CTNNA2: variants seen among roughly 807,000 people sequenced by gnomAD.
The protein encoded by CTNNA2 is catenin alpha-2.
Under a neutral mutation model 101.0 loss-of-function variants are expected in CTNNA2, and 42 were observed. The observed-to-expected ratio is 0.42, with a 90% CI of 0.32 to 0.54. CTNNA2 has a LOEUF of 0.54. Among genes scored for constraint, CTNNA2 ranks in the 20% least tolerant of loss-of-function variants. CTNNA2 has a pLI of 0.14. For synonymous variants in CTNNA2, 450 were observed against 456.4 expected (o/e 0.99, Z 0.18); for missense variants, 871 against 1,223.1 (o/e 0.71, Z 4.29).
Position 79,747,018 on chromosome 2 carries a change from C to A in CTNNA2, c.298+2436C>A, listed in dbSNP as rs561125186. 2.2e-4 allele frequency among the ~76,000 whole-genome samples: 34 copies of A among 152,284 alleles called. No homozygotes were observed. In the South Asian group the frequency reaches 6.6e-3, roughly 30 times the overall value. Reference sequence around the variant, plus strand: ...TTGCAAACCTACCACTGTATCAATTCACAGCTGGATATTTAGTACCTGGAA... The same window carrying A: ...TTGCAAACCTACCACTGTATCAATTAACAGCTGGATATTTAGTACCTGGAA... On this transcript the variant is annotated intron_variant, in intron 3 of 18. Coordinates refer to ENST00000402739, the MANE Select transcript of CTNNA2 (RefSeq NM_001282597.3).
chr2:80,168,974 A>G (rs1393449597), intron 7 of CTNNA2, among the ~76,000 whole-genome samples: 1 of 152,176 alleles, frequency 6.6e-6, no homozygotes, highest in Non-Finnish European at 1.5e-5. Flanking sequence ...AAGCCATGCG[A>G]TTTAGAGGCC....
chr2:79,772,450 A>C (rs2105151831), intron 3 of CTNNA2, among the ~76,000 whole-genome samples: 1 of 152,320 alleles, frequency 6.6e-6, no homozygotes, highest in South Asian at 2.1e-4. Flanking sequence ...ATTCCATCTC[A>C]GATAATAGTT....
intron 2 of CTNNA2, among the ~76,000 whole-genome samples, chr2:79,743,822 C>G (rs921438638): frequency 1.3e-5 from 2 of 152,160 alleles, no homozygotes; most frequent in African/African-American, 4.8e-5. Flanking sequence ...GTGTGAGCCA[C>G]CACGCCTGGC....
At chr2:80,309,519 G>A (rs1334625467) in intron 7 of CTNNA2, among the ~76,000 whole-genome samples, 1 of 152,086 alleles carries the variant, frequency 6.6e-6, no homozygotes, top group Non-Finnish European at 1.5e-5. Context: ...AGACCTTGTT[G>A]GGATTTCTGC....
At chr2:80,124,581 A>G (rs1156387969) in intron 7 of CTNNA2, among the ~76,000 whole-genome samples, 1 of 152,144 alleles carries the variant, frequency 6.6e-6, no homozygotes, top group Admixed American at 6.6e-5. Context: ...TTTCTCGTAT[A>G]TAGTACAAAG....
At chr2:79,618,079 G>A (rs538601679) in intron 1 of CTNNA2, among the ~76,000 whole-genome samples, 2 of 152,228 alleles carry the variant, frequency 1.3e-5, no homozygotes, top group Admixed American at 6.5e-5. Flanking sequence ...CTGGACCAAT[G>A]ATTGGCAAGC....
chr2:80,425,708 G>T (rs888740152), intron 9 of CTNNA2, among the ~76,000 whole-genome samples: 2 of 151,672 alleles, frequency 1.3e-5, no homozygotes, highest in Non-Finnish European at 2.9e-5. Flanking sequence ...TATTTTATGG[G>T]TTTTTTTTCC....
chr2:80,409,958 A>G (rs1410193067), intron 8 of CTNNA2, among the ~76,000 whole-genome samples: 2 of 152,210 alleles, frequency 1.3e-5, no homozygotes, highest in Admixed American at 1.3e-4. Flanking sequence ...AGTAAAAGGA[A>G]TTGCAGAGGT....
intron 3 of CTNNA2, among the ~76,000 whole-genome samples, chr2:79,316,508 T>C (rs1221545522): frequency 1.3e-5 from 2 of 152,090 alleles, no homozygotes; most frequent in African/African-American, 4.8e-5. Flanking sequence ...TCAGTTTGAA[T>C]AAATTGGCAT....
intron 12 of CTNNA2, among the ~76,000 whole-genome samples, chr2:80,556,111 C>A (rs1435202816): frequency 4.6e-5 from 7 of 152,066 alleles, no homozygotes; most frequent in Non-Finnish European, 1.0e-4. Context: ...GCATATATTT[C>A]TTTATACTTT....
At chr2:79,281,010 G>C (rs970757921) in intron 2 of CTNNA2, among the ~76,000 whole-genome samples, 1 of 152,048 alleles carries the variant, frequency 6.6e-6, no homozygotes, top group Non-Finnish European at 1.5e-5. Flanking sequence ...CTGAGTTCCT[G>C]CTCCTGGTTC....
intron 7 of CTNNA2, chr2:80,162,812 T>C (rs1240463111): frequency 6.3e-6 from 10 of 1,593,928 alleles, no homozygotes; most frequent in Non-Finnish European, 8.6e-6. Flanking sequence ...TGTTCATCAC[T>C]GCTTGTCTCT....
chr2:79,651,572 T>G lies in CTNNA2; in HGVS notation c.16T>G (p.Ser6Ala). The G allele has an allele frequency of 6.2e-7, 1 of 1,613,808 alleles. No individual in the cohort carries two copies. The highest frequency in any genetic ancestry group is 8.5e-7 in the Non-Finnish European group (1 of 1,179,800). The part of the protein sequence containing the change: MTSAT[S>A]PIILKWDPKS... ...CATAGGGAGCATGACTTCGGCAACT[T>G]CACCTATCATTCTGAAATGGGACCC... Residue 6 changes from serine (S) to alanine (A), a missense_variant, in exon 2 of 19, where the codon TCA becomes GCA. Transcript: ENST00000402739.
intron 1 of CTNNA2, among the ~76,000 whole-genome samples, chr2:79,628,782 T>TTTA (rs1219963279): frequency 6.6e-6 from 1 of 152,254 alleles, no homozygotes; most frequent in Non-Finnish European, 1.5e-5. Context: ...ACATTATTCC[T>TTTA]GGCATTTTAG....
chr2:80,224,420 T>G (rs963486248), intron 7 of CTNNA2, among the ~76,000 whole-genome samples: 1 of 152,156 alleles, frequency 6.6e-6, no homozygotes, highest in Non-Finnish European at 1.5e-5. Context: ...CAGTCAGTCC[T>G]CTACAGCTGC....
chr2:80,112,189 G>T (rs929445766), intron 7 of CTNNA2, among the ~76,000 whole-genome samples: 2 of 152,200 alleles, frequency 1.3e-5, no homozygotes, highest in Admixed American at 6.5e-5. Context: ...ACCTGTTATT[G>T]TACTGCCTTG....
chr2:80,610,602 A>G (rs1407590236), intron 17 of CTNNA2, among the ~76,000 whole-genome samples: 7 of 151,722 alleles, frequency 4.6e-5, no homozygotes, highest in Admixed American at 4.6e-4. Context: ...ATTTGTTAGA[A>G]GTCAACCTCT....
intron 4 of CTNNA2, among the ~76,000 whole-genome samples, chr2:79,496,015 A>T (rs2104569234): frequency 6.6e-6 from 1 of 152,256 alleles, no homozygotes; most frequent in South Asian, 2.1e-4. Flanking sequence ...ATGACAAATG[A>T]CTGCTAATGG....
At chr2:79,996,656 T>G (rs140351051) in intron 7 of CTNNA2, among the ~76,000 whole-genome samples, 26 of 152,314 alleles carry the variant, frequency 1.7e-4, no homozygotes, top group Admixed American at 2.6e-4. Context: ...TAGCCAGAAT[T>G]GAGCCCCTTT....
Sources: gnomAD v4.1 joint callset for allele counts (sites outside exome capture counted in the v4.1 genomes callset) on GRCh38, gnomAD v4.1.1 for gene constraint, MANE v1.5 for transcripts, NCBI Gene and HGNC (gene_info 2026-07-23, HGNC 2026-07-21) for gene names.